Variants in SEC14L5 observed in about 807,000 individuals in gnomAD.
SEC14L5 encodes SEC14 like lipid binding 5.
SEC14L5 carries 96 observed loss-of-function variants against 84.6 expected under a neutral mutation model. The observed-to-expected ratio is 1.13, with a 90% CI of 0.96 to 1.34. SEC14L5 has a LOEUF of 1.34. Ranked by LOEUF, SEC14L5 falls within the 40% of genes most tolerant of loss-of-function variation. The pLI is 0.00. For synonymous variants in SEC14L5, 546 were observed against 383.4 expected (o/e 1.42, Z -4.95); for missense variants, 1,224 against 942.5 (o/e 1.30, Z -3.91).
chr16:4,968,589 G>T (rs538438482), intron 2 of SEC14L5, among the ~76,000 whole-genome samples: 8 of 152,362 alleles, frequency 5.3e-5, no homozygotes, highest in Admixed American at 1.3e-4. Flanking sequence ...CTCCCAAAGT[G>T]CTGGGATCAC....
intron 6 of SEC14L5, among the ~76,000 whole-genome samples, chr16:4,992,596 G>T (rs1203503150): frequency 1.3e-5 from 2 of 152,210 alleles, no homozygotes; most frequent in African/African-American, 4.8e-5. Context: ...CTGGTGCCTT[G>T]ACATTGCCTC....
intron 13 of SEC14L5, 112 bp downstream of exon 13, chr16:5,007,598 CTTTCTTTCTTTTTTTTTT>C: frequency 1.3e-6 from 1 of 785,764 alleles, no homozygotes. Context: ...TTCTTTCTTT[CTTTCTTTCTTTTTTTTTT>C]TTTTTTTGGG....
chr16:4,987,703 G>A lies in SEC14L5; in HGVS notation c.210G>A (p.Arg70=). ...GCGTGGACGCCCCGCGGCTGCTGCG[G>A]AAGGTGGGCGGCCCTGGGGCTGGGG... The part of the protein sequence containing the change: ...RLRVDAPRLL[R]KIAGVEHVVF... Residue 70 remains arginine, a synonymous_variant, in exon 3 of 16, where the codon CGG becomes CGA. Coordinates refer to ENST00000251170, the MANE Select transcript of SEC14L5 (RefSeq NM_014692.2). The A allele has an allele frequency of 6.6e-7, 1 of 1,517,494 alleles. No individual in the cohort carries two copies. The highest frequency in any genetic ancestry group is 1.3e-5 in the South Asian group (1 of 79,664). The allele number at this position is 1,517,494 out of a possible 1,614,324, so 94.0% of individuals were successfully genotyped here. A position where few individuals can be genotyped will look rare whatever the true frequency, so the allele number is the denominator to read the frequency against.
intron 2 of SEC14L5, among the ~76,000 whole-genome samples, chr16:4,971,306 A>C (rs1356363365): frequency 6.6e-6 from 1 of 151,990 alleles, no homozygotes; most frequent in Non-Finnish European, 1.5e-5. Context: ...AAAAAATTAA[A>C]ATATGAACTG....
chr16:5,011,506 T>C (rs924580744), intron 15 of SEC14L5, among the ~76,000 whole-genome samples: 10 of 152,192 alleles, frequency 6.6e-5, no homozygotes, highest in Non-Finnish European at 1.2e-4. Flanking sequence ...AAATGAAACC[T>C]TGGGCAGAAG....
intron 2 of SEC14L5, among the ~76,000 whole-genome samples, chr16:4,963,081 A>T (rs932091453): frequency 6.6e-5 from 10 of 152,230 alleles, no homozygotes; most frequent in Non-Finnish European, 1.5e-4. Context: ...TCTGTTTAAC[A>T]AAACTGACTT....
Position 4,990,792 on chromosome 16 carries a change from C to G in SEC14L5, c.371C>G (p.Thr124Ser). The change falls in exon 5 of 16, where the codon ACT becomes AGT. Residue 124 changes from threonine (T) to serine (S), a missense_variant. Coordinates refer to ENST00000251170, the MANE Select transcript of SEC14L5 (RefSeq NM_014692.2). The part of the protein sequence containing the change: ...YTVHPENEDW[T>S]CFEQSASLDI... ...GTCCACCCTGAGAATGAAGACTGGACTTGCTTCGAGCAGTCTGCCTCACTG... is the reference window on the plus strand; with the variant it reads ...GTCCACCCTGAGAATGAAGACTGGAGTTGCTTCGAGCAGTCTGCCTCACTG... The G allele has an allele frequency of 6.2e-7, 1 of 1,611,100 alleles. No homozygotes were observed. The highest frequency in any genetic ancestry group is 8.5e-7 in the Non-Finnish European group (1 of 1,178,530).
In SEC14L5 at chr16:5,000,863, C is replaced by A. The variant is rs777362148; in HGVS notation, c.1068C>A (p.Ser356=). The A allele has an allele frequency of 1.2e-6, 2 of 1,605,172 alleles. No homozygotes were observed. The highest frequency in any genetic ancestry group is 1.7e-6 in the Non-Finnish European group (2 of 1,176,034). ...CTGTCTCTCCCTTCCAGGTTCTCTC[C>A]GTCAACGAGGAAGGACAGAAGCGGT... ...GEEALLRHVL[S]VNEEGQKRCE... Residue 356 remains serine, a synonymous_variant, in exon 10 of 16, where the codon TCC becomes TCA. Transcript: ENST00000251170.
At chr16:4,982,974 ACTC>A (rs1252941075) in intron 2 of SEC14L5, among the ~76,000 whole-genome samples, 1 of 151,752 alleles carries the variant, frequency 6.6e-6, no homozygotes, top group Non-Finnish European at 1.5e-5. Flanking sequence ...TATAAAATAA[ACTC>A]CTTAAACTAC....
At chr16:4,976,992 C>G (rs914884295) in intron 2 of SEC14L5, among the ~76,000 whole-genome samples, 8 of 152,166 alleles carry the variant, frequency 5.3e-5, no homozygotes, top group African/African-American at 1.9e-4. Flanking sequence ...CTGTTTGATC[C>G]CGTAGGACCT....
chr16:5,001,459 C>G (rs1955677450), intron 10 of SEC14L5, among the ~76,000 whole-genome samples: 1 of 152,080 alleles, frequency 6.6e-6, no homozygotes, highest in Non-Finnish European at 1.5e-5. Context: ...CAGGGTTTCA[C>G]TGTGTTAGCC....
intron 2 of SEC14L5, among the ~76,000 whole-genome samples, chr16:4,965,752 T>G (rs2142473975): frequency 6.8e-6 from 1 of 148,134 alleles, no homozygotes; most frequent in South Asian, 2.2e-4. Context: ...ATTTTAAATT[T>G]TATTTAAGGC....
rs756805567 is a variant in SEC14L5, at chr16:4,992,021, A to T, written c.658A>T (p.Ser220Cys). 9 of 1,568,050 alleles carry T rather than the reference A, an allele frequency of 5.7e-6. No homozygotes were observed. Among genetic ancestry groups the T allele is most frequent in the Non-Finnish European group, 7.7e-6 (9 of 1,164,226 alleles). Residue 220 changes from serine to cysteine, a missense_variant, in exon 6 of 16, where the codon AGT becomes TGT. Physicochemically the swap from Ser to Cys is moderately radical, Grantham distance 112. Coordinates refer to ENST00000251170, the MANE Select transcript of SEC14L5 (RefSeq NM_014692.2). ...STLGPALEAV[S>C]MDGDKLDADY... The stretch of plus-strand genomic sequence containing the variant: ...CCTGGGGCCCGCTCTGGAGGCGGTC[A>T]GTATGGACGGTAGGTGGTACAGCCC...
At chr16:4,983,571 C>T (rs1373878743) in intron 2 of SEC14L5, among the ~76,000 whole-genome samples, 1 of 150,258 alleles carries the variant, frequency 6.7e-6, no homozygotes, top group Non-Finnish European at 1.5e-5. Context: ...TATATATACA[C>T]TTAAATAATA....
rs74005423 is a variant in SEC14L5 at position 4,969,008 on chromosome 16, G to A, written c.63+9622G>A. ...CAGTTACAGTTGGATTCGCTGTTAC[G>A]GAGGTAGTTTTAACAAAGCGGCCGG... is the stretch of plus-strand genomic sequence containing the variant. On this transcript the variant is annotated intron_variant, in intron 2 of 15. Transcript: ENST00000251170. Among the ~76,000 whole-genome samples the A allele has an allele frequency of 9.0e-3, 1,364 of 152,370 alleles. 14 individuals are homozygous for A. Among genetic ancestry groups the A allele is most frequent in the African/African-American group, 0.031 (1,278 of 41,576 alleles).
At chr16:4,992,438 G>A (rs1955562976) in intron 6 of SEC14L5, among the ~76,000 whole-genome samples, 1 of 152,088 alleles carries the variant, frequency 6.6e-6, no homozygotes, top group Non-Finnish European at 1.5e-5. Flanking sequence ...TTTTAGCAGA[G>A]ATGGGGTTTC....
chr16:4,959,334 G>C lies in SEC14L5; in HGVS notation c.11G>C (p.Arg4Thr). ...TGCTCCAGCGTGAACATGGTGCAAA[G>C]ATACCAGTCTCCTGTCCGAGTCTAC... MVQ[R>T]YQSPVRVYKY... The change falls in exon 2 of 16, where the codon AGA becomes ACA. Residue 4 changes from arginine to threonine, a missense_variant. By Grantham distance (71) the Arg-to-Thr change is moderately conservative. Transcript: ENST00000251170. 1 of 1,613,804 alleles carries C rather than the reference G, an allele frequency of 6.2e-7. No homozygotes were observed. The highest frequency in any genetic ancestry group is 8.5e-7 in the Non-Finnish European group (1 of 1,179,738).
chr16:5,004,704 A>G (rs958368667), intron 11 of SEC14L5, among the ~76,000 whole-genome samples: 8 of 152,194 alleles, frequency 5.3e-5, no homozygotes, highest in South Asian at 2.1e-4. Flanking sequence ...TTCCTCACCT[A>G]TCTCTTGGCT....
Position 5,014,972 on chromosome 16 carries a change from C to T in SEC14L5, c.*2C>T, listed in dbSNP as rs775909344. 84 of 1,606,616 alleles carry T rather than the reference C, an allele frequency of 5.2e-5. No homozygotes were observed. The highest frequency in any genetic ancestry group is 6.9e-5 in the Non-Finnish European group (81 of 1,177,452). Reference sequence around the variant, plus strand: ...AGCAGCTCCCTGGTCTCCAGATAGCCGGGCCCAGTGTTTCAGGGCCGCCCG... The same window carrying T: ...AGCAGCTCCCTGGTCTCCAGATAGCTGGGCCCAGTGTTTCAGGGCCGCCCG... On this transcript the variant is annotated 3_prime_UTR_variant, in exon 16 of 16. Transcript: ENST00000251170.
Sources: gnomAD v4.1 joint callset for allele counts (sites outside exome capture counted in the v4.1 genomes callset) on GRCh38, gnomAD v4.1.1 for gene constraint, MANE v1.5 for transcripts, NCBI Gene and HGNC (gene_info 2026-07-23, HGNC 2026-07-21) for gene names.